MAF: variants seen among roughly 807,000 people sequenced by gnomAD.
MAF encodes MAF bZIP transcription factor.
Under a neutral mutation model 22.0 loss-of-function variants are expected in MAF, and 10 were observed. The ratio of observed to expected loss-of-function variants is 0.45; its 90% CI spans 0.28 to 0.77. MAF has a LOEUF of 0.77. MAF is among the 30% of genes least tolerant of loss of function. The probability of loss-of-function intolerance (pLI) is 0.12; values close to 1 mark genes in which losing one functional copy is unlikely to be tolerated. For synonymous variants in MAF, 337 were observed against 255.8 expected (o/e 1.32, Z -3.03); for missense variants, 544 against 548.4 (o/e 0.99, Z 0.08).
chr16:79,557,619 G>T, the MAF span, among the ~76,000 whole-genome samples: 1 of 152,036 alleles, frequency 6.6e-6, no homozygotes, highest in African/African-American at 2.4e-5. Flanking sequence ...ACTAATAGCA[G>T]CCAACCCTCA....
chr16:79,274,620 C>T, the MAF span, among the ~76,000 whole-genome samples: 691 of 152,216 alleles, frequency 4.5e-3, 11 homozygotes, highest in African/African-American at 0.016. Context: ...CTCCATAGTC[C>T]AGGCTTTTGT....
the MAF span, among the ~76,000 whole-genome samples, chr16:79,576,231 T>TA: frequency 0.089 from 3,815 of 42,984 alleles, 329 homozygotes; most frequent in Middle Eastern, 0.1. Flanking sequence ...CCTGTGGTAC[T>TA]AAAAAAAAAA....
At chr16:79,316,714 A>C in the MAF span, among the ~76,000 whole-genome samples, 135 of 152,244 alleles carry the variant, frequency 8.9e-4, no homozygotes, top group African/African-American at 3.0e-3. Context: ...CAGGGGTCTT[A>C]TAGAATATTC....
chr16:79,215,939 C>T, the MAF span, among the ~76,000 whole-genome samples: 2 of 152,190 alleles, frequency 1.3e-5, no homozygotes, highest in African/African-American at 4.8e-5. Context: ...TCCCTGAACC[C>T]ACTCAGTCAG....
At chr16:79,424,929 T>C in the MAF span, among the ~76,000 whole-genome samples, 4 of 151,892 alleles carry the variant, frequency 2.6e-5, no homozygotes, top group Non-Finnish European at 5.9e-5. Context: ...CAGGAGAAAA[T>C]ACAAATTATT....
chr16:79,329,603 A>C, the MAF span, among the ~76,000 whole-genome samples: 26 of 152,320 alleles, frequency 1.7e-4, no homozygotes, highest in African/African-American at 6.3e-4. Context: ...AATATGATGG[A>C]AGTGGTTCAT....
the MAF span, among the ~76,000 whole-genome samples, chr16:79,220,308 T>A: frequency 6.0e-5 from 9 of 150,470 alleles, no homozygotes; most frequent in South Asian, 2.1e-4. Context: ...GCATTTAAGT[T>A]TGGGGGGCAG....
chr16:79,252,795 T>C, the MAF span, among the ~76,000 whole-genome samples: 1 of 152,116 alleles, frequency 6.6e-6, no homozygotes, highest in Non-Finnish European at 1.5e-5. Context: ...CGGCCGTGGT[T>C]TTGATTTTTG....
At chr16:79,532,645 G>A in the MAF span, among the ~76,000 whole-genome samples, 1 of 152,198 alleles carries the variant, frequency 6.6e-6, no homozygotes, top group Non-Finnish European at 1.5e-5. Context: ...AAATGGGGGC[G>A]GCCTCTGTCA....
chr16:79,567,944 A>G, the MAF span, among the ~76,000 whole-genome samples: 1 of 152,212 alleles, frequency 6.6e-6, no homozygotes, highest in Admixed American at 6.5e-5. Context: ...TTATTTTCCA[A>G]AGAGGCAGGT....
At chr16:79,362,592 A>G in the MAF span, among the ~76,000 whole-genome samples, 1 of 152,256 alleles carries the variant, frequency 6.6e-6, no homozygotes, top group Non-Finnish European at 1.5e-5. Flanking sequence ...AGGCACGAAG[A>G]GCAGGTTGCT....
the MAF span, among the ~76,000 whole-genome samples, chr16:79,219,422 G>A: frequency 6.6e-6 from 1 of 151,918 alleles, no homozygotes; most frequent in African/African-American, 2.4e-5. Context: ...AAGGTGGCGG[G>A]CGCCTGTAGT....
chr16:79,433,349 G>A, the MAF span, among the ~76,000 whole-genome samples: 2 of 151,516 alleles, frequency 1.3e-5, no homozygotes, highest in Non-Finnish European at 2.9e-5. Flanking sequence ...GGACGATGGA[G>A]TTGGTGAAGT....
Position 79,594,197 on chromosome 16 carries a change from T to C in MAF, c.*263A>G, listed in dbSNP as rs1373117988. ...TGTAATTTCAGTGAATTTTTAAAAC[T>C]AGTATGGCAGGTTGAAAGCAATGCA... is the stretch of plus-strand genomic sequence containing the variant. On this transcript the variant is annotated 3_prime_UTR_variant, in exon 2 of 2. Coordinates refer to ENST00000326043, the MANE Select transcript of MAF (RefSeq NM_005360.5). The C allele has an allele frequency of 6.6e-6, 3 of 454,380 alleles. No individual in the cohort carries two copies. The highest frequency in any genetic ancestry group is 1.2e-5 in the Non-Finnish European group (3 of 249,496). The allele number at this position is 454,380 out of a possible 1,614,324, so 28.1% of individuals were successfully genotyped here.
the MAF span, among the ~76,000 whole-genome samples, chr16:79,392,229 A>C: frequency 6.9e-6 from 1 of 145,822 alleles, no homozygotes; most frequent in African/African-American, 2.5e-5. Context: ...AAAGAGAAAG[A>C]AGGAGGGGGA....
chr16:79,471,794 G>A, the MAF span, among the ~76,000 whole-genome samples: 1 of 152,162 alleles, frequency 6.6e-6, no homozygotes, highest in Admixed American at 6.5e-5. Flanking sequence ...CACTATATAG[G>A]TAATCCAATT....
the MAF span, among the ~76,000 whole-genome samples, chr16:79,290,990 A>G: frequency 6.6e-6 from 1 of 152,012 alleles, no homozygotes; most frequent in Non-Finnish European, 1.5e-5. Context: ...ACAATCGAGG[A>G]CCATGGGGAA....
the MAF span, among the ~76,000 whole-genome samples, chr16:79,285,466 T>G: frequency 6.6e-6 from 1 of 152,020 alleles, no homozygotes; most frequent in East Asian, 1.9e-4. Context: ...TTCCGAAAAT[T>G]TGGTCCCTGG....
At chr16:79,370,017 G>C in the MAF span, among the ~76,000 whole-genome samples, 2 of 152,142 alleles carry the variant, frequency 1.3e-5, no homozygotes, top group African/African-American at 4.8e-5. Flanking sequence ...ACTCAACCGG[G>C]AGCCTGAAAT....
Sources: gnomAD v4.1 joint callset for allele counts (sites outside exome capture counted in the v4.1 genomes callset) on GRCh38, gnomAD v4.1.1 for gene constraint, MANE v1.5 for transcripts, NCBI Gene and HGNC (gene_info 2026-07-23, HGNC 2026-07-21) for gene names.